TRAPPC9: variants seen among roughly 807,000 people sequenced by gnomAD.
TRAPPC9 encodes the protein IKK2 binding protein.
A neutral mutation model predicts 124.0 loss-of-function variants in TRAPPC9; 83 were observed. The ratio of observed to expected loss-of-function variants is 0.67; its 90% CI spans 0.56 to 0.80. The LOEUF is 0.80. TRAPPC9 is among the 30% of genes least tolerant of loss of function. TRAPPC9 has a pLI of 0.00. For missense variants in TRAPPC9, 1,302 were observed against 1,508.3 expected (o/e 0.86, Z 2.27); for synonymous variants, 638 against 617.5 (o/e 1.03, Z -0.49).
chr8:140,339,947 A>C (rs1047120471), intron 9 of TRAPPC9, among the ~76,000 whole-genome samples: 2 of 151,284 alleles, frequency 1.3e-5, no homozygotes, highest in Non-Finnish European at 3.0e-5. Context: ...GGTTCAAGTG[A>C]TTCTCCTGTC....
At chr8:140,367,163 G>A (rs546209191) in intron 8 of TRAPPC9, among the ~76,000 whole-genome samples, 7 of 152,210 alleles carry the variant, frequency 4.6e-5, no homozygotes, top group South Asian at 2.1e-4. Flanking sequence ...ACAGTTTGGC[G>A]GGTTCTTACA....
At chr8:139,937,457 T>A (rs1050692191) in intron 19 of TRAPPC9, among the ~76,000 whole-genome samples, 2 of 152,230 alleles carry the variant, frequency 1.3e-5, no homozygotes, top group Non-Finnish European at 2.9e-5. Context: ...AGAAAAGAAA[T>A]CCCCTTCCTA....
At chr8:139,856,801 C>T (rs1489060076) in intron 21 of TRAPPC9, among the ~76,000 whole-genome samples, 1 of 151,672 alleles carries the variant, frequency 6.6e-6, no homozygotes, top group African/African-American at 2.4e-5. Flanking sequence ...CAGGCAAAAC[C>T]AGTGAGGTGG....
chr8:139,791,150 C>T (rs1346169911), intron 21 of TRAPPC9, among the ~76,000 whole-genome samples: 1 of 152,184 alleles, frequency 6.6e-6, no homozygotes, highest in East Asian at 1.9e-4. Flanking sequence ...ACAAGCCACG[C>T]TGGTGAGAAC....
At chr8:140,137,865 T>G (rs943528419) in intron 17 of TRAPPC9, among the ~76,000 whole-genome samples, 2 of 152,218 alleles carry the variant, frequency 1.3e-5, no homozygotes, top group Non-Finnish European at 2.9e-5. Flanking sequence ...CGATTATAAT[T>G]TTTCAATAAG....
chr8:140,333,624 C>T (rs1478113189), intron 9 of TRAPPC9, among the ~76,000 whole-genome samples: 1 of 152,230 alleles, frequency 6.6e-6, no homozygotes, highest in African/African-American at 2.4e-5. Context: ...CTCCTGACCT[C>T]AGGTGATCCA....
intron 17 of TRAPPC9, among the ~76,000 whole-genome samples, chr8:140,208,424 C>T (rs73364937): frequency 0.29 from 44,760 of 152,038 alleles, 7,080 homozygotes; most frequent in East Asian, 0.58. Context: ...AGCGGCAGCA[C>T]CTGGGGGCTT....
At chr8:140,240,612 G>A (rs1281170937) in intron 16 of TRAPPC9, among the ~76,000 whole-genome samples, 6 of 152,064 alleles carry the variant, frequency 3.9e-5, no homozygotes, top group African/African-American at 9.7e-5. Context: ...TCACTCTGTC[G>A]CCCAGGTTGG....
At chr8:140,344,146 A>C (rs932820703) in intron 9 of TRAPPC9, among the ~76,000 whole-genome samples, 2 of 152,114 alleles carry the variant, frequency 1.3e-5, no homozygotes, top group African/African-American at 4.8e-5. Flanking sequence ...GTTCCCTTGT[A>C]AAGGAGATCC....
At chr8:140,091,368 A>T (rs1414376432) in intron 17 of TRAPPC9, among the ~76,000 whole-genome samples, 1 of 152,204 alleles carries the variant, frequency 6.6e-6, no homozygotes, top group East Asian at 1.9e-4. Flanking sequence ...AAAGACTGGC[A>T]GGAAGATGGA....
chr8:140,007,949 T>C (rs535179481), intron 18 of TRAPPC9, among the ~76,000 whole-genome samples: 1 of 152,328 alleles, frequency 6.6e-6, no homozygotes, highest in Admixed American at 6.5e-5. Context: ...TAGGAGACAG[T>C]GCAGTTGCTT....
At chr8:140,178,017 C>T (rs527993084) in intron 17 of TRAPPC9, among the ~76,000 whole-genome samples, 10 of 152,220 alleles carry the variant, frequency 6.6e-5, no homozygotes, top group African/African-American at 1.7e-4. Flanking sequence ...TACTACCTTG[C>T]TAAATTACTC....
intron 20 of TRAPPC9, among the ~76,000 whole-genome samples, chr8:139,904,084 A>G (rs541277347): frequency 6.6e-6 from 1 of 152,278 alleles, no homozygotes; most frequent in South Asian, 2.1e-4. Flanking sequence ...GAGAACACAT[A>G]CTATCAGAGC....
At chr8:139,873,651 T>C (rs1343947100) in intron 21 of TRAPPC9, among the ~76,000 whole-genome samples, 1 of 152,198 alleles carries the variant, frequency 6.6e-6, no homozygotes, top group Non-Finnish European at 1.5e-5. Context: ...GGGGGTGTCA[T>C]GCAGGAGCAG....
intron 21 of TRAPPC9, among the ~76,000 whole-genome samples, chr8:139,775,602 A>G (rs1821301933): frequency 6.6e-6 from 1 of 152,190 alleles, no homozygotes; most frequent in Non-Finnish European, 1.5e-5. Flanking sequence ...CTGAGTCCCG[A>G]GGACATCTGA....
intron 19 of TRAPPC9, among the ~76,000 whole-genome samples, chr8:139,948,803 C>T (rs892297669): frequency 6.6e-6 from 1 of 152,182 alleles, no homozygotes; most frequent in East Asian, 1.9e-4. Context: ...ACAGGCCAAG[C>T]TCAGTGGCTC....
chr8:140,070,020 G>C (rs1163496203), intron 17 of TRAPPC9, among the ~76,000 whole-genome samples: 2 of 152,136 alleles, frequency 1.3e-5, no homozygotes, highest in Non-Finnish European at 2.9e-5. Flanking sequence ...CTAATGGATG[G>C]TGCCACCCAC....
chr8:140,118,149 T>C (rs1051807265), intron 17 of TRAPPC9, among the ~76,000 whole-genome samples: 1 of 152,166 alleles, frequency 6.6e-6, no homozygotes, highest in African/African-American at 2.4e-5. Context: ...CAAAGCTCCA[T>C]GAGATGCACG....
intron 17 of TRAPPC9, among the ~76,000 whole-genome samples, chr8:140,048,921 C>T (rs182651470): frequency 1.6e-4 from 25 of 152,280 alleles, no homozygotes; most frequent in African/African-American, 6.0e-4. Flanking sequence ...TGTCATTAAT[C>T]TTTATACCCT....
Sources: gnomAD v4.1 joint callset for allele counts (sites outside exome capture counted in the v4.1 genomes callset) on GRCh38, gnomAD v4.1.1 for gene constraint, MANE v1.5 for transcripts, NCBI Gene and HGNC (gene_info 2026-07-23, HGNC 2026-07-21) for gene names.